Variants in NRXN3 observed in about 807,000 individuals in gnomAD.
NRXN3 encodes neurexin III.
NRXN3 carries 32 observed loss-of-function variants against 137.6 expected under a neutral mutation model. That is an observed-to-expected ratio of 0.23 (90% CI 0.18 to 0.31). NRXN3 has a LOEUF of 0.31. Ranked by LOEUF, NRXN3 falls within the 10% of genes least tolerant of loss-of-function variation. The probability of loss-of-function intolerance (pLI) is 1.00; values close to 1 mark genes in which losing one functional copy is unlikely to be tolerated. For missense variants in NRXN3, 1,574 were observed against 2,062.5 expected (o/e 0.76, Z 4.59); for synonymous variants, 798 against 784.5 (o/e 1.02, Z -0.29).
chr14:78,897,090 T>A (rs1463606715), intron 10 of NRXN3, among the ~76,000 whole-genome samples: 2 of 151,894 alleles, frequency 1.3e-5, no homozygotes, highest in East Asian at 1.9e-4. Flanking sequence ...CATTGAATAG[T>A]GGTGACAGAG....
rs1439699339 is a variant in NRXN3, at chr14:79,515,152, A to C, written c.3444+47750A>C. The stretch of plus-strand genomic sequence containing the variant: ...CCCTGAGAAGCAGACCTGTGGGCTA[A>C]GTTTAGCATGCAGGATGTTTATTAA... On this transcript the variant is annotated intron_variant, in intron 16 of 20. Coordinates refer to ENST00000335750, the MANE Select transcript of NRXN3 (RefSeq NM_001330195.2). Among the ~76,000 whole-genome samples the C allele has an allele frequency of 1.3e-5, 2 of 150,692 alleles. 1 individual carries two copies.
intron 15 of NRXN3, among the ~76,000 whole-genome samples, chr14:79,129,665 G>A (rs1361764973): frequency 8.4e-5 from 11 of 131,226 alleles, no homozygotes; most frequent in African/African-American, 2.7e-5. Context: ...TTGATTTGGG[G>A]TGGAGAGTTC....
chr14:79,819,881 AC>A lies in NRXN3; in HGVS notation c.4093+14694del, dbSNP rs370819084. Among the ~76,000 whole-genome samples, 17 of 152,054 alleles carry A rather than the reference AC, an allele frequency of 1.1e-4. No individual in the cohort carries two copies. The East Asian group carries it at 3.1e-3, about 28-fold the overall frequency. On this transcript the variant is annotated intron_variant, in intron 20 of 20. Transcript: ENST00000335750. Reference sequence around the variant, plus strand: ...AACAAACTAAACCAGGGTCATCTCCACCCAGCTTGTACACTACATATTTGGG... The same window carrying A: ...AACAAACTAAACCAGGGTCATCTCCACCAGCTTGTACACTACATATTTGGG...
At chr14:78,461,344 A>G (rs2110424) in intron 4 of NRXN3, among the ~76,000 whole-genome samples, 151,669 of 152,246 alleles carry the variant, frequency 1, 75,551 homozygotes, top group Middle Eastern at 1. Flanking sequence ...GTTCAGAGCC[A>G]TGTTACTAAT....
At chr14:79,012,451 G>A (rs1430216931) in intron 15 of NRXN3, among the ~76,000 whole-genome samples, 1 of 152,198 alleles carries the variant, frequency 6.6e-6, no homozygotes, top group African/African-American at 2.4e-5. Flanking sequence ...AATTGCAGAA[G>A]TCCAGTAATC....
chr14:78,843,514 T>C (rs974485214), intron 10 of NRXN3, among the ~76,000 whole-genome samples: 13 of 152,274 alleles, frequency 8.5e-5, no homozygotes, highest in South Asian at 2.1e-4. Context: ...AGAAAGAATC[T>C]TAAAATCTTT....
chr14:79,475,162 C>T (rs945438553), intron 16 of NRXN3, among the ~76,000 whole-genome samples: 5 of 152,074 alleles, frequency 3.3e-5, no homozygotes, highest in Non-Finnish European at 5.9e-5. Flanking sequence ...AGAAATACTT[C>T]ATAGATTTGG....
In NRXN3 at chr14:79,697,547, T is replaced by C. The variant is rs1603438008; in HGVS notation, c.3707-83T>C. The C allele has an allele frequency of 2.8e-6, 4 of 1,439,286 alleles. No individual in the cohort carries two copies. In the East Asian group the frequency reaches 9.2e-5, roughly 33 times the overall value. The allele number at this position is 1,439,286 out of a possible 1,614,324, so 89.2% of individuals were successfully genotyped here. ...TTCAATTGCTCAAGGAAGCCTGTTATGATGCCTGGTCCATTCAGACCAGGT... is the reference window on the plus strand; with the variant it reads ...TTCAATTGCTCAAGGAAGCCTGTTACGATGCCTGGTCCATTCAGACCAGGT... On this transcript the variant is annotated intron_variant, in intron 18 of 20. Transcript: ENST00000335750.
intron 15 of NRXN3, among the ~76,000 whole-genome samples, chr14:79,041,587 C>T (rs1452536607): frequency 6.6e-6 from 1 of 152,108 alleles, no homozygotes; most frequent in East Asian, 1.9e-4. Context: ...TATCCTTGTG[C>T]TTAAAATTAT....
intron 15 of NRXN3, among the ~76,000 whole-genome samples, chr14:79,027,961 A>G (rs2099601273): frequency 6.6e-6 from 1 of 152,158 alleles, no homozygotes; most frequent in Non-Finnish European, 1.5e-5. Context: ...GGCCTTGGGC[A>G]AGTTATTTAA....
chr14:78,911,213 G>C (rs1443318894), intron 10 of NRXN3, among the ~76,000 whole-genome samples: 1 of 152,106 alleles, frequency 6.6e-6, no homozygotes, highest in African/African-American at 2.4e-5. Context: ...AAATGAGAAA[G>C]CTGAGGTACA....
intron 15 of NRXN3, among the ~76,000 whole-genome samples, chr14:79,016,911 T>G (rs2099580213): frequency 6.6e-6 from 1 of 151,708 alleles, no homozygotes; most frequent in Non-Finnish European, 1.5e-5. Context: ...AACCACAGAG[T>G]AGACTCCAGA....
intron 15 of NRXN3, among the ~76,000 whole-genome samples, chr14:79,183,815 C>T (rs1469946459): frequency 6.6e-6 from 1 of 152,206 alleles, no homozygotes; most frequent in Non-Finnish European, 1.5e-5. Context: ...TCCAGCTTAA[C>T]GTTTCAATCC....
intron 2 of NRXN3, among the ~76,000 whole-genome samples, chr14:78,244,898 A>G (rs542102842): frequency 6.6e-6 from 1 of 152,344 alleles, no homozygotes; most frequent in Non-Finnish European, 1.5e-5. Flanking sequence ...GGAGGCACAG[A>G]GGCTTAGGTT....
intron 1 of NRXN3, among the ~76,000 whole-genome samples, chr14:78,210,732 CTT>C (rs1401256107): frequency 6.6e-6 from 1 of 152,046 alleles, no homozygotes; most frequent in Non-Finnish European, 1.5e-5. Context: ...TATTTATGGA[CTT>C]TTCTGTTTCC....
rs979276893 is a variant in NRXN3, at chr14:78,388,475, A to AT, written c.757+90625dup. On this transcript the variant is annotated intron_variant, in intron 4 of 20. Transcript: ENST00000335750. ...TTAAAAACGTTTTAATAAGCACAAG[A>AT]TTTTTTTTTTCTTACTAAAGAAAGT... Among the ~76,000 whole-genome samples the AT allele has an allele frequency of 1.3e-3, 192 of 150,928 alleles. 1 individual carries two copies. The highest frequency in any genetic ancestry group is 5.3e-3 in the Admixed American group (80 of 15,148).
chr14:79,556,165 C>G (rs892203023), intron 16 of NRXN3, among the ~76,000 whole-genome samples: 1 of 152,106 alleles, frequency 6.6e-6, no homozygotes, highest in African/African-American at 2.4e-5. Flanking sequence ...GAGGGTGGGC[C>G]ATTGTGCAGC....
At chr14:78,580,855 A>G (rs2096987089) in intron 4 of NRXN3, among the ~76,000 whole-genome samples, 1 of 152,216 alleles carries the variant, frequency 6.6e-6, no homozygotes, top group South Asian at 2.1e-4. Context: ...CCCTCCTGGA[A>G]TGGAGTTACC....
chr14:79,621,229 T>C (rs2098220498), intron 16 of NRXN3, among the ~76,000 whole-genome samples: 3 of 152,220 alleles, frequency 2.0e-5, no homozygotes. Context: ...GCATCTGTTA[T>C]TATAAATATA....
Sources: allele counts gnomAD v4.1 joint callset (sites outside exome capture counted in the v4.1 genomes callset), GRCh38; gene constraint gnomAD v4.1.1; transcripts MANE v1.5; gene names NCBI Gene and HGNC (gene_info 2026-07-23, HGNC 2026-07-21).